The following MIDEAS variants were observed in gnomAD, a reference collection of about 807,000 sequenced individuals.
The protein encoded by MIDEAS is mitotic deacetylase associated SANT domain protein.
MIDEAS carries 26 observed loss-of-function variants against 102.7 expected under a neutral mutation model. That is an observed-to-expected ratio of 0.25 (90% CI 0.19 to 0.35). MIDEAS has a LOEUF of 0.35. Ranked by LOEUF, MIDEAS falls within the 10% of genes least tolerant of loss-of-function variation. The pLI, the probability that MIDEAS is intolerant of heterozygous loss-of-function variation, is 1.00. For synonymous variants in MIDEAS, 585 were observed against 591.0 expected (o/e 0.99, Z 0.15); for missense variants, 1,231 against 1,435.6 (o/e 0.86, Z 2.30).
At chr14:73,765,173 G>C (rs1384438327), upstream of MIDEAS, among the ~76,000 whole-genome samples, 5 of 152,246 alleles carry the variant, frequency 3.3e-5, no homozygotes, top group Admixed American at 1.3e-4. Context: ...GTGGCAATGG[G>C]CCAAGAGGAA....
At chr14:73,743,124 T>C (rs2053304003) in intron 1 of MIDEAS, among the ~76,000 whole-genome samples, 2 of 152,042 alleles carry the variant, frequency 1.3e-5, no homozygotes, top group Non-Finnish European at 2.9e-5. Flanking sequence ...TTCTTCCTTA[T>C]CCCCAAGATA....
intron 1 of MIDEAS, among the ~76,000 whole-genome samples, chr14:73,758,070 C>A (rs1253022064): frequency 6.6e-6 from 1 of 152,124 alleles, no homozygotes; most frequent in Non-Finnish European, 1.5e-5. Flanking sequence ...CCCCTTGTCC[C>A]CCCGGGAGCT....
intron 12 of MIDEAS, 83 bp downstream of exon 12, chr14:73,719,222 T>TCCC: frequency 2.7e-6 from 4 of 1,497,118 alleles, no homozygotes; most frequent in African/African-American, 1.4e-5. Context: ...CTGTACCTCT[T>TCCC]CCCCCTCCCC....
chr14:73,765,557 C>A (rs1052023600), intron 1 of MIDEAS, among the ~76,000 whole-genome samples: 1 of 152,194 alleles, frequency 6.6e-6, no homozygotes, highest in Non-Finnish European at 1.5e-5. Flanking sequence ...TTCAGTAGCT[C>A]CCATCATCTA....
intron 1 of MIDEAS, among the ~76,000 whole-genome samples, chr14:73,757,657 G>A (rs1437634157): frequency 6.6e-6 from 1 of 152,200 alleles, no homozygotes; most frequent in Admixed American, 6.5e-5. Context: ...ATGCAAGAGA[G>A]GGGCTCTCAA....
chr14:73,760,583 AGT>A (rs1312393767), upstream of MIDEAS, among the ~76,000 whole-genome samples: 1 of 152,230 alleles, frequency 6.6e-6, no homozygotes, highest in Non-Finnish European at 1.5e-5. The surrounding 1 kb of genome is among the most constrained non-coding windows in gnomAD (Gnocchi z 4.8). Context: ...CTGCCAGGAA[AGT>A]GTGTGTGTGA....
intron 1 of MIDEAS, among the ~76,000 whole-genome samples, chr14:73,752,924 C>A (rs2053438293): frequency 6.6e-6 from 1 of 152,240 alleles, no homozygotes; most frequent in African/African-American, 2.4e-5. Context: ...GGACCTGGGC[C>A]AAGCCAGCTG....
At chr14:73,737,771 CACT>C (rs1432210034) in intron 2 of MIDEAS, among the ~76,000 whole-genome samples, 2 of 137,450 alleles carry the variant, frequency 1.5e-5, no homozygotes, top group Non-Finnish European at 1.6e-5. Context: ...TTTCTCCGAC[CACT>C]TTTTTTTTTT....
chr14:73,759,485 G>C lies in MIDEAS; in HGVS notation c.-248+278C>G, dbSNP rs1322349782. On this transcript the variant is annotated intron_variant, in intron 1 of 12. Transcript: ENST00000423556. The surrounding 1 kb of genome is among the most constrained non-coding windows in gnomAD (Gnocchi z 6.7). ...AGCTGCGTAGCTGCACAAACACCGC[G>C]GGGCTGCGCTGCACACGCAGCTGCG... Among the ~76,000 whole-genome samples the C allele has an allele frequency of 6.6e-6, 1 of 151,156 alleles. No individual in the cohort carries two copies. Among genetic ancestry groups the C allele is most frequent in the East Asian group, 2.0e-4 (1 of 5,112 alleles).
In MIDEAS at chr14:73,739,077, A is replaced by G. The variant is rs1595268393; in HGVS notation, c.932T>C (p.Phe311Ser). The change falls in exon 2 of 13, where the codon TTC (phenylalanine) becomes TCC (serine). Residue 311 changes from phenylalanine to serine, a missense_variant. By Grantham distance (155) the Phe-to-Ser change is radical. Around this residue, in one of 5 missense-constraint regions of MIDEAS, gnomAD observed 758 missense variants for 856.0 expected, o/e 0.89. Transcript: ENST00000423556. ...TGGGTTCATATCTGGGTTGGGGGGGAAGGGGTAGGGTGCCATGCTGTGGTG... is the reference window on the plus strand; with the variant it reads ...TGGGTTCATATCTGGGTTGGGGGGGGAGGGGTAGGGTGCCATGCTGTGGTG... Reference protein sequence around the residue: ...LAHHSMAPYPFPPNPDMNPEL... With the variant: ...LAHHSMAPYPSPPNPDMNPEL... 6.4e-7 allele frequency: 1 copy of G among 1,571,274 alleles called. No homozygotes were observed.
In MIDEAS at chr14:73,718,531, G is replaced by A; in HGVS notation, c.*312C>T. ...AGGGAAAAGACTGCGGGGCAGCAGAGCAGCAGAAATCGGAGTGTGAGAGGC... is the reference window on the plus strand; with the variant it reads ...AGGGAAAAGACTGCGGGGCAGCAGAACAGCAGAAATCGGAGTGTGAGAGGC... On this transcript the variant is annotated 3_prime_UTR_variant, in exon 13 of 13. Transcript: ENST00000423556. 2 of 255,286 alleles carry A rather than the reference G, an allele frequency of 7.8e-6. No homozygotes were observed. Among genetic ancestry groups the A allele is most frequent in the Non-Finnish European group, 1.5e-5 (2 of 135,786 alleles). The allele number at this position is 255,286 out of a possible 1,614,324, so 15.8% of individuals were successfully genotyped here.
intron 1 of MIDEAS, among the ~76,000 whole-genome samples, chr14:73,754,330 C>T (rs951517744): frequency 6.6e-6 from 1 of 152,256 alleles, no homozygotes; most frequent in African/African-American, 2.4e-5. Flanking sequence ...GGTACTTCTG[C>T]TTTCACTCAG....
At chr14:73,719,119 G>T (rs375271612) in intron 12 of MIDEAS, 111 bp from the exon 13 acceptor site, 1 of 1,460,498 alleles carries the variant, frequency 6.8e-7, no homozygotes, top group South Asian at 1.4e-5. Context: ...GCACAGCCGC[G>T]GCCGGCCAGC....
intron 1 of MIDEAS, among the ~76,000 whole-genome samples, chr14:73,772,484 T>C (rs1451495825): frequency 6.6e-6 from 1 of 152,222 alleles, no homozygotes; most frequent in African/African-American, 2.4e-5. Context: ...AGAAACAACA[T>C]TATCTTCATA....
intron 1 of MIDEAS, among the ~76,000 whole-genome samples, chr14:73,753,410 G>C (rs1426686425): frequency 1.3e-5 from 2 of 152,228 alleles, no homozygotes; most frequent in African/African-American, 4.8e-5. Flanking sequence ...AAAGTAGTCA[G>C]GGGCAATGTG....
chr14:73,751,883 A>G (rs947856228), intron 1 of MIDEAS, among the ~76,000 whole-genome samples: 1 of 152,080 alleles, frequency 6.6e-6, no homozygotes, highest in African/African-American at 2.4e-5. Context: ...CTGGGCGACA[A>G]GAGCAAAACT....
At chr14:73,727,046 G>A (rs924119023) in intron 5 of MIDEAS, 74 bp from the exon 6 acceptor site, 37 of 1,516,818 alleles carry the variant, frequency 2.4e-5, no homozygotes, top group Non-Finnish European at 3.0e-5. Flanking sequence ...CCTCAGGGTG[G>A]GAAGAAGATG....
chr14:73,731,461 A>G (rs1010539352), intron 3 of MIDEAS, among the ~76,000 whole-genome samples: 12 of 152,092 alleles, frequency 7.9e-5, no homozygotes, highest in Non-Finnish European at 1.5e-4. Context: ...TAGGAAAACA[A>G]TATGATTGCA....
chr14:73,727,138 AC>A, intron 5 of MIDEAS, 166 bp from the exon 6 acceptor site: 1 of 860,306 alleles, frequency 1.2e-6, no homozygotes, highest in Non-Finnish European at 1.7e-6. Flanking sequence ...CTGACCTGGC[AC>A]CACCAGAAAG....
Sources: allele counts gnomAD v4.1 joint callset (sites outside exome capture counted in the v4.1 genomes callset), GRCh38; gene constraint gnomAD v4.1.1; regional missense constraint gnomAD v4.1.1; non-coding constraint Gnocchi (gnomAD v3.1); transcripts MANE v1.5; gene names NCBI Gene and HGNC (gene_info 2026-07-23, HGNC 2026-07-21).